CRABP1: variants seen among roughly 807,000 people sequenced by gnomAD.
CRABP1 encodes the protein cellular retinoic acid-binding protein 1.
In CRABP1, 9 loss-of-function variants were observed where a neutral mutation model predicts 16.4. The ratio of observed to expected loss-of-function variants is 0.55; its 90% CI spans 0.33 to 0.96. CRABP1 has a LOEUF of 0.96. Ranked by LOEUF, CRABP1 falls within the 40% of genes least tolerant of loss-of-function variation. The pLI, the probability that CRABP1 is intolerant of heterozygous loss-of-function variation, is 0.03. For synonymous variants in CRABP1, 72 were observed against 70.4 expected (o/e 1.02, Z -0.11); for missense variants, 157 against 186.0 (o/e 0.84, Z 0.91).
rs959625637 is a variant in CRABP1, at chr15:78,348,140, G to A, written c.*163G>A. 1 of 639,638 alleles carries A rather than the reference G, an allele frequency of 1.6e-6. No homozygotes were observed. The highest frequency in any genetic ancestry group is 2.7e-6 in the Non-Finnish European group (1 of 369,586). 39.6% of individuals were successfully genotyped at this position (639,638 alleles called of 1,614,324 possible). A position where few individuals can be genotyped will look rare whatever the true frequency, so the allele number is the denominator to read the frequency against. ...AGTGTCCCCCACCCCCACCCCCCAGGCCTTGGTGCCTCTTGTATCCCTAGT... is the reference window on the plus strand; with the variant it reads ...AGTGTCCCCCACCCCCACCCCCCAGACCTTGGTGCCTCTTGTATCCCTAGT... On this transcript the variant is annotated 3_prime_UTR_variant, in exon 4 of 4. Transcript: ENST00000299529.
chr15:78,344,749 CAAA>C (rs34209403), intron 3 of CRABP1, among the ~76,000 whole-genome samples: 3,139 of 96,900 alleles, frequency 0.032, 107 homozygotes, highest in African/African-American at 0.084. Flanking sequence ...CCTATCTCTA[CAAA>C]AAAAAAAAAA....
At chr15:78,344,331 A>G (rs1448906673) in intron 3 of CRABP1, among the ~76,000 whole-genome samples, 1 of 152,080 alleles carries the variant, frequency 6.6e-6, no homozygotes, top group Non-Finnish European at 1.5e-5. Context: ...GTGGTGGCAT[A>G]TGCCTGTAAT....
chr15:78,343,253 G>C (rs958208334), intron 2 of CRABP1, among the ~76,000 whole-genome samples: 3 of 152,166 alleles, frequency 2.0e-5, no homozygotes, highest in African/African-American at 7.2e-5. Context: ...GCTTCAGTAA[G>C]AGATTGTTTG....
At chr15:78,340,813 A>G in intron 1 of CRABP1, 1 of 606,712 alleles carries the variant, frequency 1.6e-6, no homozygotes, top group Non-Finnish European at 2.9e-6. Context: ...TTAAATTTGG[A>G]GACTCAAATT....
rs141389896 is a variant in CRABP1 at position 78,346,829 on chromosome 15, T to C, written c.364-1098T>C. 1.1e-3 allele frequency among the ~76,000 whole-genome samples: 166 copies of C among 152,318 alleles called. 1 individual carries two copies. The highest frequency in any genetic ancestry group is 1.6e-3 in the Non-Finnish European group (111 of 68,024). On this transcript the variant is annotated intron_variant, in intron 3 of 3. Coordinates refer to ENST00000299529, the MANE Select transcript of CRABP1 (RefSeq NM_004378.3). ...GGGTAAGAATATAAAGATCCTAGGA[T>C]AGCTAAATGCCTCGTTTAGTGGTTT...
chr15:78,343,530 T>A lies in CRABP1; in HGVS notation c.281T>A (p.Ile94Asn). The change falls in exon 3 of 4, where the codon ATC becomes AAC. Residue 94 changes from isoleucine to asparagine, a missense_variant. Transcript: ENST00000299529. The part of the protein sequence containing the change: ...SLATWENENK[I>N]HCTQTLLEGD... Reference sequence around the variant, plus strand: ...GCCACTTGGGAGAATGAGAACAAGATCCACTGCACGCAAACTCTTCTTGAA... The same window carrying A: ...GCCACTTGGGAGAATGAGAACAAGAACCACTGCACGCAAACTCTTCTTGAA... 6.2e-7 allele frequency: 1 copy of A among 1,614,172 alleles called. No individual in the cohort carries two copies. The highest frequency in any genetic ancestry group is 8.5e-7 in the Non-Finnish European group (1 of 1,180,022).
At chr15:78,342,265 G>A (rs1348910536) in intron 2 of CRABP1, among the ~76,000 whole-genome samples, 1 of 152,034 alleles carries the variant, frequency 6.6e-6, no homozygotes, top group Non-Finnish European at 1.5e-5. Flanking sequence ...ACAAAGAGCA[G>A]GACAGCATAG....
chr15:78,340,728 C>A, intron 1 of CRABP1: 1 of 606,462 alleles, frequency 1.6e-6, no homozygotes, highest in Non-Finnish European at 2.9e-6. Context: ...TGGCGCCCTC[C>A]TCGATGGTGC....
Position 78,341,428 on chromosome 15 carries a change from A to C in CRABP1, c.249+207A>C. On this transcript the variant is annotated intron_variant, in intron 2 of 3. Transcript: ENST00000299529. The surrounding 1 kb of genome is among the most constrained non-coding windows in gnomAD (Gnocchi z 5.3). ...ATTACCTTCATTCCATCTCAACCCC[A>C]TCCCTACGCTGCCTCCCGGGGTGCT... The C allele has an allele frequency of 1.5e-5, 9 of 599,612 alleles. No homozygotes were observed. The highest frequency in any genetic ancestry group is 3.1e-5 in the East Asian group (1 of 32,176). 37.1% of individuals were successfully genotyped at this position (599,612 alleles called of 1,614,324 possible). A position where few individuals can be genotyped will look rare whatever the true frequency, so the allele number is the denominator to read the frequency against.
Position 78,341,520 on chromosome 15 carries a change from T to C in CRABP1, c.249+299T>C. 1 of 389,982 alleles carries C rather than the reference T, an allele frequency of 2.6e-6. No individual in the cohort carries two copies. Among genetic ancestry groups the C allele is most frequent in the Non-Finnish European group, 4.9e-6 (1 of 205,912 alleles). The allele number at this position is 389,982 out of a possible 1,614,324, so 24.2% of individuals were successfully genotyped here. Reference sequence around the variant, plus strand: ...TCCCAGCAGTGGCTTTTGCAGCGGTTTGCAGCGCCAAGCGCAGGCGGCGCA... The same window carrying C: ...TCCCAGCAGTGGCTTTTGCAGCGGTCTGCAGCGCCAAGCGCAGGCGGCGCA... On this transcript the variant is annotated intron_variant, in intron 2 of 3. Coordinates refer to ENST00000299529, the MANE Select transcript of CRABP1 (RefSeq NM_004378.3). This position sits in a 1 kb window ranked among gnomAD's most constrained non-coding sequence, Gnocchi z 5.3.
Position 78,341,482 on chromosome 15 carries a change from G to A in CRABP1, c.249+261G>A, listed in dbSNP as rs2050234517. The A allele has an allele frequency of 6.4e-6, 3 of 471,202 alleles. No individual in the cohort carries two copies. Among genetic ancestry groups the A allele is most frequent in the Non-Finnish European group, 7.9e-6 (2 of 254,084 alleles). The allele number at this position is 471,202 out of a possible 1,614,324, so 29.2% of individuals were successfully genotyped here. On this transcript the variant is annotated intron_variant, in intron 2 of 3. Coordinates refer to ENST00000299529, the MANE Select transcript of CRABP1 (RefSeq NM_004378.3). The surrounding 1 kb of genome is among the most constrained non-coding windows in gnomAD (Gnocchi z 5.3). ...AGCCGCGCTTAAAGAGCGGGCTCTG[G>A]GTTGCGCCGCGTTCCCAGCAGTGGC...
intron 2 of CRABP1, among the ~76,000 whole-genome samples, chr15:78,343,102 G>A (rs111283481): frequency 0.012 from 1,805 of 151,772 alleles, 26 homozygotes; most frequent in African/African-American, 0.032. Flanking sequence ...GCAACAGAGC[G>A]AGACTCCATC....
At chr15:78,347,853 T>C in intron 3 of CRABP1, 74 bp from the exon 4 acceptor site, 1 of 1,400,652 alleles carries the variant, frequency 7.1e-7, no homozygotes, top group Non-Finnish European at 1.0e-6. Flanking sequence ...TAAGTGGCCT[T>C]ATTAGTGATA....
rs1000650487 is a variant in CRABP1, at chr15:78,348,165, T to C, written c.*188T>C. On this transcript the variant is annotated 3_prime_UTR_variant, in exon 4 of 4. Transcript: ENST00000299529. ...GCCTTGGTGCCTCTTGTATCCCTAG[T>C]GCTCCATAGTTTGGCATTTGCACGG... 3.3e-6 allele frequency: 2 copies of C among 601,382 alleles called. No individual in the cohort carries two copies. The highest frequency in any genetic ancestry group is 6.0e-5 in the Admixed American group (2 of 33,290). The allele number at this position is 601,382 out of a possible 1,614,324, so 37.3% of individuals were successfully genotyped here.
At chr15:78,344,932 AAAAAAAAC>A (rs1476398159) in intron 3 of CRABP1, among the ~76,000 whole-genome samples, 1 of 142,010 alleles carries the variant, frequency 7.0e-6, no homozygotes, top group Non-Finnish European at 1.5e-5. Flanking sequence ...TAAAAACAAA[AAAAAAAAC>A]AAAAAAACTA....
chr15:78,341,318 G>T lies in CRABP1; in HGVS notation c.249+97G>T. 1 of 1,419,560 alleles carries T rather than the reference G, an allele frequency of 7.0e-7. No individual in the cohort carries two copies. Among genetic ancestry groups the T allele is most frequent in the Non-Finnish European group, 9.7e-7 (1 of 1,026,538 alleles). The allele number at this position is 1,419,560 out of a possible 1,614,324, so 87.9% of individuals were successfully genotyped here. A position where few individuals can be genotyped will look rare whatever the true frequency, so the allele number is the denominator to read the frequency against. ...ACCTGTGTCTCCCTTTGCAGCCTGT[G>T]GCGCGCCTTCCTTGCAGGGTGTGTA... On this transcript the variant is annotated intron_variant, in intron 2 of 3. Transcript: ENST00000299529. The surrounding 1 kb of genome is among the most constrained non-coding windows in gnomAD (Gnocchi z 5.3).
At chr15:78,343,106 C>G (rs1201378508) in intron 2 of CRABP1, among the ~76,000 whole-genome samples, 1 of 151,684 alleles carries the variant, frequency 6.6e-6, no homozygotes, top group South Asian at 2.1e-4. Context: ...CAGAGCGAGA[C>G]TCCATCTCAA....
At chr15:78,343,227 T>G (rs2050244795) in intron 2 of CRABP1, among the ~76,000 whole-genome samples, 2 of 152,216 alleles carry the variant, frequency 1.3e-5, no homozygotes, top group African/African-American at 4.8e-5. Flanking sequence ...ATGTAAAGCA[T>G]GCCTAAGGCC....
intron 2 of CRABP1, 112 bp from the exon 3 acceptor site, chr15:78,343,387 A>G: frequency 1.2e-6 from 1 of 810,882 alleles, no homozygotes; most frequent in Non-Finnish European, 2.0e-6. Context: ...GCCTGCTGAC[A>G]GGGACCATGT....
Sources: allele counts gnomAD v4.1 joint callset (sites outside exome capture counted in the v4.1 genomes callset), GRCh38; gene constraint gnomAD v4.1.1; non-coding constraint Gnocchi (gnomAD v3.1); transcripts MANE v1.5; gene names NCBI Gene and HGNC (gene_info 2026-07-23, HGNC 2026-07-21).